RTN4RL2: variants seen among roughly 807,000 people sequenced by gnomAD.
RTN4RL2 encodes reticulon-4 receptor-like 2.
A neutral mutation model predicts 27.8 loss-of-function variants in RTN4RL2; 9 were observed. That is an observed-to-expected ratio of 0.32 (90% confidence interval 0.20 to 0.57). The LOEUF (loss-of-function observed/expected upper bound fraction) is 0.57. Ranked by LOEUF, RTN4RL2 falls within the 20% of genes least tolerant of loss-of-function variation. The pLI is 0.90. For synonymous variants in RTN4RL2, 285 were observed against 297.9 expected, an observed-to-expected ratio of 0.96 and a Z score of 0.45; for missense variants, 436 against 596.8, an observed-to-expected ratio of 0.73 and a Z score of 2.81.
Position 57,467,903 on chromosome 11 carries a change from A to G in RTN4RL2, c.326A>G (p.Glu109Gly). The change falls in exon 2 of 3, where the codon GAG becomes GGG. Residue 109 changes from glutamate to glycine, a missense_variant. This residue lies in a region of RTN4RL2 where 365 missense variants were observed against 530.5 expected (regional missense o/e 0.69). Transcript: ENST00000335099. The surrounding 1 kb of genome is among the most constrained non-coding windows in gnomAD (Gnocchi z 5.5). ...ACTTTCCGCCACTTGCAAGCCCTGGAGGAGCTGGACCTCGGTGACAACCGG... is the reference window on the plus strand; with the variant it reads ...ACTTTCCGCCACTTGCAAGCCCTGGGGGAGCTGGACCTCGGTGACAACCGG... ...PGTFRHLQAL[E>G]ELDLGDNRHL... The G allele has an allele frequency of 6.2e-7, 1 of 1,614,024 alleles. No individual in the cohort carries two copies. The highest frequency in any genetic ancestry group is 8.5e-7 in the Non-Finnish European group (1 of 1,179,946).
chr11:57,472,638 C>A (rs1045552150), intron 2 of RTN4RL2, among the ~76,000 whole-genome samples: 1 of 152,194 alleles, frequency 6.6e-6, no homozygotes, highest in African/African-American at 2.4e-5. Context: ...CTCGATGGAC[C>A]CATCTGTGAA....
In RTN4RL2 at chr11:57,477,059, G is replaced by C. The variant is rs559965338; in HGVS notation, c.*148G>C. The C allele has an allele frequency of 1.5e-5, 11 of 736,052 alleles. No individual in the cohort carries two copies. Among genetic ancestry groups the C allele is most frequent in the Non-Finnish European group, 2.3e-5 (11 of 485,824 alleles). 45.6% of individuals were successfully genotyped at this position (736,052 alleles called of 1,614,324 possible). A position where few individuals can be genotyped will look rare whatever the true frequency, so the allele number is the denominator to read the frequency against. ...TCCTCTCCTCCCCGGGGAGCAGGCC[G>C]CCTCTCCTTGCCTGCCCCCTGGGCT... is the stretch of plus-strand genomic sequence containing the variant. On this transcript the variant is annotated 3_prime_UTR_variant, in exon 3 of 3. Transcript: ENST00000335099.
At position 57,467,516 on chromosome 11, in the gene RTN4RL2, G is replaced by A; in HGVS notation, c.32-93G>A. 6.5e-7 allele frequency: 1 copy of A among 1,526,904 alleles called. No individual in the cohort carries two copies. Among genetic ancestry groups the A allele is most frequent in the Non-Finnish European group, 8.7e-7 (1 of 1,143,360 alleles). 94.6% of individuals were successfully genotyped at this position (1,526,904 alleles called of 1,614,324 possible). A position where few individuals can be genotyped will look rare whatever the true frequency, so the allele number is the denominator to read the frequency against. The stretch of plus-strand genomic sequence containing the variant: ...GGTGTGAGCCACCATATTCAGCCGG[G>A]TCTAGGCCTTTTACCAAGTTGGGGG... On this transcript the variant is annotated intron_variant, in intron 1 of 2. Coordinates refer to ENST00000335099, the MANE Select transcript of RTN4RL2 (RefSeq NM_178570.3). The surrounding 1 kb of genome is among the most constrained non-coding windows in gnomAD (Gnocchi z 5.5).
chr11:57,476,028 T>C lies in RTN4RL2; in HGVS notation c.514-134T>C. ...GAGGCAGAATCCAAATCCAGGATGC[T>C]ATGAATCAAAAGGTCAACCCTTTCT... On this transcript the variant is annotated intron_variant, in intron 2 of 2. Transcript: ENST00000335099. This position sits in a 1 kb window ranked among gnomAD's most constrained non-coding sequence, Gnocchi z 8.2. 10 of 854,336 alleles carry C rather than the reference T, an allele frequency of 1.2e-5. No individual in the cohort carries two copies. Among genetic ancestry groups the C allele is most frequent in the Middle Eastern group, 2.3e-4 (1 of 4,300 alleles). 52.9% of individuals were successfully genotyped at this position (854,336 alleles called of 1,614,324 possible). A position where few individuals can be genotyped will look rare whatever the true frequency, so the allele number is the denominator to read the frequency against.
At position 57,476,768 on chromosome 11, in the gene RTN4RL2, T is replaced by C; in HGVS notation, c.1120T>C (p.Tyr374His). The C allele has an allele frequency of 1.4e-6, 2 of 1,477,870 alleles. No individual in the cohort carries two copies. The highest frequency in any genetic ancestry group is 1.8e-6 in the Non-Finnish European group (2 of 1,121,580). The allele number at this position is 1,477,870 out of a possible 1,614,324, so 91.5% of individuals were successfully genotyped here. A position where few individuals can be genotyped will look rare whatever the true frequency, so the allele number is the denominator to read the frequency against. ...APTEDDYWGG[Y>H]GGEDQRGEQM... ...TACTGAGGACGACTACTGGGGGGGC[T>C]ACGGGGGTGAGGACCAGCGAGGGGA... The change falls in exon 3 of 3, where the codon TAC becomes CAC. Residue 374 changes from tyrosine (Y) to histidine (H), a missense_variant. Physicochemically the swap from Tyr to His is moderately conservative, Grantham distance 83 (BLOSUM62 2). Around this residue, in one of 3 missense-constraint regions of RTN4RL2, gnomAD observed 60 missense variants for 43.0 expected, o/e 1.40. Coordinates refer to ENST00000335099, the MANE Select transcript of RTN4RL2 (RefSeq NM_178570.3). This position sits in a 1 kb window ranked among gnomAD's most constrained non-coding sequence, Gnocchi z 8.2.
chr11:57,472,462 C>T (rs967099172), intron 2 of RTN4RL2, among the ~76,000 whole-genome samples: 9 of 152,168 alleles, frequency 5.9e-5, no homozygotes, highest in South Asian at 2.1e-4. Flanking sequence ...CCACCCGCCT[C>T]GGCCTCCCAA....
intron 2 of RTN4RL2, chr11:57,468,573 C>T (rs1943542812): frequency 6.5e-7 from 1 of 1,536,598 alleles, no homozygotes; most frequent in South Asian, 1.2e-5. Context: ...GTCCCCTGCC[C>T]AAAGGCCTTT....
In RTN4RL2 at chr11:57,476,917, G is replaced by A; in HGVS notation, c.*6G>A. Reference sequence around the variant, plus strand: ...TGGTGCCCCACCACCTCTGACTGCGGTGCTGAGATCGAAGAGGCCAGTGTC... The same window carrying A: ...TGGTGCCCCACCACCTCTGACTGCGATGCTGAGATCGAAGAGGCCAGTGTC... On this transcript the variant is annotated 3_prime_UTR_variant, in exon 3 of 3. Transcript: ENST00000335099. The surrounding 1 kb of genome is among the most constrained non-coding windows in gnomAD (Gnocchi z 8.2). 1 of 1,558,314 alleles carries A rather than the reference G, an allele frequency of 6.4e-7. No individual in the cohort carries two copies. Among genetic ancestry groups the A allele is most frequent in the African/African-American group, 1.4e-5 (1 of 71,164 alleles).
chr11:57,460,538 G>A lies in RTN4RL2; in HGVS notation c.-328G>A, dbSNP rs1392946236. 1 of 159,532 alleles carries A rather than the reference G, an allele frequency of 6.3e-6. No homozygotes were observed. The highest frequency in any genetic ancestry group is 2.4e-5 in the African/African-American group (1 of 41,608). 9.9% of individuals were successfully genotyped at this position (159,532 alleles called of 1,614,324 possible). ...TTCCTCGCTGTCCCCACTCTCCCTC[G>A]GCTAGCAGCCTGGGCACACGGACAG... On this transcript the variant is annotated 5_prime_UTR_variant, in exon 1 of 3. Coordinates refer to ENST00000335099, the MANE Select transcript of RTN4RL2 (RefSeq NM_178570.3).
In RTN4RL2 at chr11:57,474,293, C is replaced by T. The variant is rs550012976; in HGVS notation, c.514-1869C>T. On this transcript the variant is annotated intron_variant, in intron 2 of 2. Transcript: ENST00000335099. ...GTGGCCAAGAGGAGGGCTCTTGGCA[C>T]GCTCAGTTCCTGTAGCGAAGAGGGC... Among the ~76,000 whole-genome samples the T allele has an allele frequency of 4.6e-5, 7 of 152,192 alleles. No homozygotes were observed. The East Asian group carries it at 1.2e-3, about 25-fold the overall frequency.
At chr11:57,468,483 C>A in intron 2 of RTN4RL2, 1 of 1,300,584 alleles carries the variant, frequency 7.7e-7, no homozygotes, top group Non-Finnish European at 1.1e-6. Context: ...CATACACCCC[C>A]ATGTCTGTCT....
chr11:57,469,123 C>G (rs955617820), intron 2 of RTN4RL2, among the ~76,000 whole-genome samples: 3 of 152,148 alleles, frequency 2.0e-5, no homozygotes, highest in African/African-American at 4.8e-5. Flanking sequence ...GTTGGAAAAT[C>G]AGGTCAGTGC....
At position 57,467,794 on chromosome 11, in the gene RTN4RL2, C is replaced by T. The variant is rs1216925459; in HGVS notation, c.217C>T (p.Arg73Cys). 4 of 1,614,138 alleles carry T rather than the reference C, an allele frequency of 2.5e-6. No individual in the cohort carries two copies. The highest frequency in any genetic ancestry group is 3.4e-6 in the Non-Finnish European group (4 of 1,180,030). The change falls in exon 2 of 3, where the codon CGC (arginine) becomes TGC (cysteine). Residue 73 changes from arginine (R) to cysteine (C), a missense_variant. By Grantham distance (180) the Arg-to-Cys change is radical (BLOSUM62 -3). This residue lies in a region of RTN4RL2 where 365 missense variants were observed against 530.5 expected (regional missense o/e 0.69). Transcript: ENST00000335099. This position sits in a 1 kb window ranked among gnomAD's most constrained non-coding sequence, Gnocchi z 5.5. Reference sequence around the variant, plus strand: ...ACTCTTCCTGCAGAACAACCTCATCCGCACGCTGCGGCCAGGCACCTTTGG... The same window carrying T: ...ACTCTTCCTGCAGAACAACCTCATCTGCACGCTGCGGCCAGGCACCTTTGG... ...QRLFLQNNLI[R>C]TLRPGTFGSN...
At chr11:57,465,137 G>C (rs952945411) in intron 1 of RTN4RL2, among the ~76,000 whole-genome samples, 2 of 152,118 alleles carry the variant, frequency 1.3e-5, no homozygotes, top group African/African-American at 2.4e-5. Flanking sequence ...CTTCCACCCC[G>C]CACCTGTGTG....
rs753086077 is a variant in RTN4RL2, at chr11:57,467,935, C to T, written c.358C>T (p.Arg120Cys). ...ELDLGDNRHLRSLEPDTFQGL... is the reference protein window; with the variant it reads ...ELDLGDNRHLCSLEPDTFQGL... ...GGACCTCGGTGACAACCGGCACCTG[C>T]GCTCGCTGGAGCCCGACACCTTCCA... is the stretch of plus-strand genomic sequence containing the variant. The change falls in exon 2 of 3, where the codon CGC becomes TGC. Residue 120 changes from arginine (R) to cysteine (C), a missense_variant. Physicochemically the swap from Arg to Cys is radical, Grantham distance 180. Coordinates refer to ENST00000335099, the MANE Select transcript of RTN4RL2 (RefSeq NM_178570.3). This position sits in a 1 kb window ranked among gnomAD's most constrained non-coding sequence, Gnocchi z 5.5. The T allele has an allele frequency of 1.1e-5, 18 of 1,613,288 alleles. No individual in the cohort carries two copies. The highest frequency in any genetic ancestry group is 8.9e-5 in the East Asian group (4 of 44,892).
intron 2 of RTN4RL2, among the ~76,000 whole-genome samples, chr11:57,471,961 C>T (rs573512003): frequency 1.3e-5 from 2 of 151,982 alleles, no homozygotes; most frequent in Admixed American, 1.3e-4. Context: ...CAGGTTCAAG[C>T]GATTCTCCTG....
In RTN4RL2 at chr11:57,467,513, C is replaced by G. The variant is rs368521912; in HGVS notation, c.32-96C>G. 21 of 1,512,146 alleles carry G rather than the reference C, an allele frequency of 1.4e-5. No homozygotes were observed. The East Asian group carries it at 3.9e-4, about 28-fold the overall frequency. The allele number at this position is 1,512,146 out of a possible 1,614,324, so 93.7% of individuals were successfully genotyped here. Reference sequence around the variant, plus strand: ...ACAGGTGTGAGCCACCATATTCAGCCGGGTCTAGGCCTTTTACCAAGTTGG... The same window carrying G: ...ACAGGTGTGAGCCACCATATTCAGCGGGGTCTAGGCCTTTTACCAAGTTGG... On this transcript the variant is annotated intron_variant, in intron 1 of 2. Transcript: ENST00000335099. The surrounding 1 kb of genome is among the most constrained non-coding windows in gnomAD (Gnocchi z 5.5).
chr11:57,467,661 C>T lies in RTN4RL2; in HGVS notation c.84C>T (p.Ala28=), dbSNP rs748379492. ...TGCTCCTGGCCCTGCCCCTGGCGGC[C>T]CCCAGCTGCCCCATGCTCTGCACCT... ...LLMLLALPLA[A]PSCPMLCTCY... is the part of the protein sequence containing the mutation. Residue 28 remains alanine, a synonymous_variant, in exon 2 of 3, where the codon GCC becomes GCT. Coordinates refer to ENST00000335099, the MANE Select transcript of RTN4RL2 (RefSeq NM_178570.3). This position sits in a 1 kb window ranked among gnomAD's most constrained non-coding sequence, Gnocchi z 5.5. 6.2e-7 allele frequency: 1 copy of T among 1,611,172 alleles called. No individual in the cohort carries two copies. Among genetic ancestry groups the T allele is most frequent in the East Asian group, 2.2e-5 (1 of 44,864 alleles).
rs1280017133 is a variant in RTN4RL2, at chr11:57,477,492, GTTGT to G, written c.*585_*588del. The G allele has an allele frequency of 6.6e-6, 1 of 152,232 alleles. No homozygotes were observed. Among genetic ancestry groups the G allele is most frequent in the Non-Finnish European group, 1.5e-5 (1 of 68,094 alleles). 9.4% of individuals were successfully genotyped at this position (152,232 alleles called of 1,614,324 possible). A position where few individuals can be genotyped will look rare whatever the true frequency, so the allele number is the denominator to read the frequency against. On this transcript the variant is annotated 3_prime_UTR_variant, in exon 3 of 3. Transcript: ENST00000335099. ...CCCTGCGTGGTGAAGATCAAAAGAA[GTTGT>G]TTGGGAAAAAAAATTTATTAAAAAA...
Sources: gnomAD v4.1 joint callset for allele counts (sites outside exome capture counted in the v4.1 genomes callset) on GRCh38, gnomAD v4.1.1 for gene constraint, gnomAD v4.1.1 regional missense constraint, Gnocchi (gnomAD v3.1) non-coding constraint, MANE v1.5 for transcripts, NCBI Gene and HGNC (gene_info 2026-07-23, HGNC 2026-07-21) for gene names.